Variants in MPO observed in about 807,000 individuals in gnomAD.
The protein encoded by MPO is myeloperoxidase.
In MPO, 57 loss-of-function variants were observed where a neutral mutation model predicts 69.4. The ratio of observed to expected loss-of-function variants is 0.82; its 90% CI spans 0.66 to 1.02. The LOEUF is 1.02. Among genes scored for constraint, MPO ranks in the 50% least tolerant of loss-of-function variants. MPO has a pLI of 0.00. For synonymous variants in MPO, 426 were observed against 417.1 expected (o/e 1.02, Z -0.26); for missense variants, 971 against 1,014.1 (o/e 0.96, Z 0.58).
In MPO at chr17:58,275,014, G is replaced by A. The variant is rs1220688894; in HGVS notation, c.1365+528C>T. ...CAAGTAGCTGGGACTACAGGTGCCC[G>A]CCACCACGCCCGGCTAATTTTTGTA... On this transcript the variant is annotated intron_variant, in intron 8 of 11. Transcript: ENST00000225275. The surrounding 1 kb of genome is among the most constrained non-coding windows in gnomAD (Gnocchi z 4.1). 2.6e-5 allele frequency among the ~76,000 whole-genome samples: 4 copies of A among 151,498 alleles called. No homozygotes were observed. Among genetic ancestry groups the A allele is most frequent in the Non-Finnish European group, 4.4e-5 (3 of 67,798 alleles).
intron 6 of MPO, 51 bp downstream of exon 6, chr17:58,278,957 G>C (rs1480957748): frequency 6.4e-7 from 1 of 1,553,184 alleles, no homozygotes; most frequent in Admixed American, 1.9e-5. Flanking sequence ...GCCCCTTCCA[G>C]AAACAATCTC....
intron 2 of MPO, 59 bp downstream of exon 2, chr17:58,280,307 G>T: frequency 6.4e-7 from 1 of 1,560,300 alleles, no homozygotes; most frequent in Non-Finnish European, 8.8e-7. Context: ...GCTGCCTGCT[G>T]CTTCTCTGAA....
intron 1 of MPO, 26 bp downstream of exon 1, chr17:58,280,579 T>C: frequency 6.2e-7 from 1 of 1,614,022 alleles, no homozygotes; most frequent in Admixed American, 1.7e-5. Flanking sequence ...CAACACACCA[T>C]CTTCTCCCAC....
chr17:58,279,079 G>T lies in MPO; in HGVS notation c.814C>A (p.Arg272=). The change falls in exon 6 of 12, where the codon CGG becomes AGG. Residue 272 remains arginine (R), a synonymous_variant. Transcript: ENST00000225275. ...DLDFTPEPAA[R]ASFVTGVNCE... is the part of the protein sequence containing the mutation. ...TTGACGCCAGTGACGAAGGAGGCCC[G>T]GGCGGCCGGCTCAGGGGTGAAGTCG... The T allele has an allele frequency of 1.2e-6, 2 of 1,613,006 alleles. No individual in the cohort carries two copies. Among genetic ancestry groups the T allele is most frequent in the Non-Finnish European group, 1.7e-6 (2 of 1,179,666 alleles).
chr17:58,273,339 C>T, intron 9 of MPO, 75 bp downstream of exon 9: 1 of 1,610,090 alleles, frequency 6.2e-7, no homozygotes, highest in Non-Finnish European at 8.5e-7. Flanking sequence ...CCCACCCTAG[C>T]TCCCTAGAGC....
chr17:58,274,187 G>C (rs1970405131), intron 8 of MPO: 1 of 501,376 alleles, frequency 2.0e-6, no homozygotes, highest in African/African-American at 1.9e-5. Context: ...GGGCCATTCT[G>C]GCATGATTTT....
In MPO at chr17:58,270,183, CAA is replaced by C. The variant is rs918801705; in HGVS notation, c.*471_*472del. On this transcript the variant is annotated 3_prime_UTR_variant, in exon 12 of 12. Transcript: ENST00000225275. This position sits in a 1 kb window ranked among gnomAD's most constrained non-coding sequence, Gnocchi z 4.1. ...CAGTGCCTTGCATGTAGTAGGTGCT[CAA>C]TAAATGAAGAACCAGAGGATACAAG... is the stretch of plus-strand genomic sequence containing the variant. 492 of 295,926 alleles carry C rather than the reference CAA, an allele frequency of 1.7e-3. 5 individuals are homozygous for C. Among genetic ancestry groups the C allele is most frequent in the Non-Finnish European group, 4.4e-4 (67 of 151,770 alleles). The allele number at this position is 295,926 out of a possible 1,614,324, so 18.3% of individuals were successfully genotyped here. A position where few individuals can be genotyped will look rare whatever the true frequency, so the allele number is the denominator to read the frequency against.
rs1598038257 is a variant in MPO at position 58,270,407 on chromosome 17, AAC to A, written c.*247_*248del. 2 of 523,908 alleles carry A rather than the reference AAC, an allele frequency of 3.8e-6. No individual in the cohort carries two copies. The highest frequency in any genetic ancestry group is 7.1e-6 in the Non-Finnish European group (2 of 283,668). The allele number at this position is 523,908 out of a possible 1,614,324, so 32.5% of individuals were successfully genotyped here. A position where few individuals can be genotyped will look rare whatever the true frequency, so the allele number is the denominator to read the frequency against. The stretch of plus-strand genomic sequence containing the variant: ...CATACTCAGTATTCTCATCAGCACA[AAC>A]ACACACTCACATAAATGGCACATAC... On this transcript the variant is annotated 3_prime_UTR_variant, in exon 12 of 12. Transcript: ENST00000225275. The surrounding 1 kb of genome is among the most constrained non-coding windows in gnomAD (Gnocchi z 4.1).
chr17:58,277,773 G>A (rs1970455954), intron 7 of MPO, 54 bp downstream of exon 7: 15 of 1,596,700 alleles, frequency 9.4e-6, no homozygotes, highest in Middle Eastern at 2.2e-4. Flanking sequence ...ACTCACTGTG[G>A]CTCCAACAGG....
Position 58,275,796 on chromosome 17 carries a change from G to T in MPO, c.1205-94C>A. On this transcript the variant is annotated intron_variant, in intron 7 of 11. Transcript: ENST00000225275. This position sits in a 1 kb window ranked among gnomAD's most constrained non-coding sequence, Gnocchi z 4.1. ...CCCCTCCCCAGCCAAGGCCTGAAAT[G>T]CCTCCTACTCACCCCTCCTCCCCAT... 2 of 1,442,794 alleles carry T rather than the reference G, an allele frequency of 1.4e-6. No individual in the cohort carries two copies. The highest frequency in any genetic ancestry group is 1.9e-6 in the Non-Finnish European group (2 of 1,045,052). 89.4% of individuals were successfully genotyped at this position (1,442,794 alleles called of 1,614,324 possible). A position where few individuals can be genotyped will look rare whatever the true frequency, so the allele number is the denominator to read the frequency against.
Position 58,278,002 on chromosome 17 carries a change from G to C in MPO, c.1029C>G (p.Tyr343Ter), listed in dbSNP as rs776941482. Residue 343 changes from tyrosine to a stop codon, truncating the protein, a stop_gained, in exon 7 of 12, where the codon TAC (tyrosine) becomes TAG (stop). Transcript: ENST00000225275. LOFTEE classifies it high-confidence loss of function. ...TCCTGGCCAGGGGCTCCTCGCTGCC[G>C]TACACCATGCTGGCGTCCACGAAGG... is the stretch of plus-strand genomic sequence containing the variant. ...LTSFVDASMVYGSEEPLARNL... is the reference protein window; with the variant it reads ...LTSFVDASMV 1 of 1,613,726 alleles carries C rather than the reference G, an allele frequency of 6.2e-7. No homozygotes were observed. The highest frequency in any genetic ancestry group is 1.7e-5 in the Admixed American group (1 of 60,012).
In MPO at chr17:58,273,507, A is replaced by T. The variant is rs1359512785; in HGVS notation, c.1528T>A (p.Phe510Ile). The T allele has an allele frequency of 6.2e-7, 1 of 1,614,232 alleles. No homozygotes were observed. The highest frequency in any genetic ancestry group is 1.1e-5 in the South Asian group (1 of 91,086). The change falls in exon 9 of 12, where the codon TTC (phenylalanine) becomes ATC (isoleucine). Residue 510 changes from phenylalanine to isoleucine, a missense_variant. Phe to Ile is a conservative substitution (Grantham distance 21). Transcript: ENST00000225275. ...YGHTLIQPFMFRLDNRYQPME... is the reference protein window; with the variant it reads ...YGHTLIQPFMIRLDNRYQPME... ...GGCTGGTACCGATTGTCCAGGCGGA[A>T]CATGAAGGGTTGGATGAGGGTGTGG...
rs143204664 is a variant in MPO at position 58,271,767 on chromosome 17, T to A, written c.1918A>T (p.Ile640Phe). ...LMEQYGTPNN[I>F]DIWMGGVSEP... ...GACACGCCGCCCATCCAGATGTCGA[T>A]GTTGTTGGGCGTGCCATACTGCTCC... The change falls in exon 11 of 12, where the codon ATC becomes TTC. Residue 640 changes from isoleucine to phenylalanine, a missense_variant. Physicochemically the swap from Ile to Phe is conservative, Grantham distance 21. Transcript: ENST00000225275. The A allele has an allele frequency of 1.0e-4, 164 of 1,614,088 alleles. No homozygotes were observed. Among genetic ancestry groups the A allele is most frequent in the Non-Finnish European group, 7.6e-5 (90 of 1,180,038 alleles).
chr17:58,277,402 A>C (rs768656434), intron 7 of MPO, among the ~76,000 whole-genome samples: 3 of 152,234 alleles, frequency 2.0e-5, no homozygotes, highest in Non-Finnish European at 2.9e-5. Flanking sequence ...ATTTAAAATA[A>C]CTAAAATTAA....
intron 9 of MPO, 24 bp downstream of exon 9, chr17:58,273,390 G>T (rs373958427): frequency 6.2e-7 from 1 of 1,614,070 alleles, no homozygotes; most frequent in Non-Finnish European, 8.5e-7. Flanking sequence ...CAGCCCACTC[G>T]CTCCTGGCCT....
intron 7 of MPO, 66 bp downstream of exon 7, chr17:58,277,761 A>T: frequency 6.3e-7 from 1 of 1,593,946 alleles, no homozygotes; most frequent in Non-Finnish European, 8.5e-7. Context: ...GCTCACAAAC[A>T]GACTCACTGT....
intron 8 of MPO, chr17:58,274,347 AGTGTGTGTGTGTGTGTGTGTGT>A (rs55893734): frequency 6.0e-6 from 2 of 334,642 alleles, no homozygotes; most frequent in Non-Finnish European, 1.2e-5. Context: ...AGAATCTAGG[AGTGTGTGTGTGTGTGTGTGTGT>A]GTGTGTGTGT....
chr17:58,276,972 G>C (rs1413893428), intron 7 of MPO, among the ~76,000 whole-genome samples: 1 of 152,152 alleles, frequency 6.6e-6, no homozygotes, highest in Non-Finnish European at 1.5e-5. Flanking sequence ...GCCAAGTGTG[G>C]TGGCAGGCGC....
chr17:58,276,779 A>G (rs1970443965), intron 7 of MPO, among the ~76,000 whole-genome samples: 1 of 152,176 alleles, frequency 6.6e-6, no homozygotes, highest in Non-Finnish European at 1.5e-5. Context: ...GCCAGAGGAA[A>G]GGGCCTGAGG....
Sources: gnomAD v4.1 joint callset for allele counts (sites outside exome capture counted in the v4.1 genomes callset) on GRCh38, gnomAD v4.1.1 for gene constraint, Gnocchi (gnomAD v3.1) non-coding constraint, MANE v1.5 for transcripts, NCBI Gene and HGNC (gene_info 2026-07-23, HGNC 2026-07-21) for gene names.